The following MFSD2B variants were observed in gnomAD, a reference collection of about 807,000 sequenced individuals.
The protein encoded by MFSD2B is MFSD2 lysolipid transporter B, sphingolipid, also known as sphingosine-1-phosphate transporter MFSD2B.
A neutral mutation model predicts 58.4 loss-of-function variants in MFSD2B; 56 were observed. The ratio of observed to expected loss-of-function variants is 0.96; its 90% confidence interval spans 0.77 to 1.20. The LOEUF (loss-of-function observed/expected upper bound fraction) is 1.20, where lower values mean the gene tolerates loss of function less well. Ranked by LOEUF, MFSD2B falls within the 50% of genes most tolerant of loss-of-function variation. The probability of loss-of-function intolerance (pLI) is 0.00; values close to 1 mark genes in which losing one functional copy is unlikely to be tolerated. For missense variants in MFSD2B, 645 were observed against 667.6 expected, an observed-to-expected ratio of 0.97 and a Z score of 0.37; for synonymous variants, 287 against 294.4, an observed-to-expected ratio of 0.97 and a Z score of 0.26.
Position 24,022,599 on chromosome 2 carries a change from G to A in MFSD2B, c.978+83G>A. On this transcript the variant is annotated intron_variant, in intron 9 of 13. Coordinates refer to ENST00000338315, the MANE Select transcript of MFSD2B (RefSeq NM_001346880.2). The surrounding 1 kb of genome is among the most constrained non-coding windows in gnomAD (Gnocchi z 4.5). ...GTGTGGTCCTTGATGTGACACATAT[G>A]GCCAGAGTTCTGGTGGTCAACATTT... 1 of 1,176,132 alleles carries A rather than the reference G, an allele frequency of 8.5e-7. No individual in the cohort carries two copies. Among genetic ancestry groups the A allele is most frequent in the South Asian group, 1.4e-5 (1 of 73,446 alleles). 72.9% of individuals were successfully genotyped at this position (1,176,132 alleles called of 1,614,324 possible).
Position 24,021,245 on chromosome 2 carries a change from A to G in MFSD2B, c.682-403A>G, listed in dbSNP as rs887813303. ...TCACCATGCATCTCACCGTGCTGTAACCACCTGCTCCTGGATCTGTCTTCC... is the reference window on the plus strand; with the variant it reads ...TCACCATGCATCTCACCGTGCTGTAGCCACCTGCTCCTGGATCTGTCTTCC... On this transcript the variant is annotated intron_variant, in intron 6 of 13. Coordinates refer to ENST00000338315, the MANE Select transcript of MFSD2B (RefSeq NM_001346880.2). This position sits in a 1 kb window ranked among gnomAD's most constrained non-coding sequence, Gnocchi z 5.7. 2.6e-5 allele frequency among the ~76,000 whole-genome samples: 4 copies of G among 152,064 alleles called. No homozygotes were observed. Among genetic ancestry groups the G allele is most frequent in the African/African-American group, 9.7e-5 (4 of 41,416 alleles).
rs1196904038 is a variant in MFSD2B, at chr2:24,017,768, C to T, written c.681+180C>T. The stretch of plus-strand genomic sequence containing the variant: ...AGATGGCCCCCAAATCTAACGTCCT[C>T]TGCTAAACCTGCCTCCTTCTGGGTT... On this transcript the variant is annotated intron_variant, in intron 6 of 13. Coordinates refer to ENST00000338315, the MANE Select transcript of MFSD2B (RefSeq NM_001346880.2). This position sits in a 1 kb window ranked among gnomAD's most constrained non-coding sequence, Gnocchi z 4.8. 1.3e-5 allele frequency among the ~76,000 whole-genome samples: 2 copies of T among 152,232 alleles called. No homozygotes were observed. The highest frequency in any genetic ancestry group is 3.8e-4 in the East Asian group (2 of 5,198).
chr2:24,023,827 G>GTA lies in MFSD2B; in HGVS notation c.1313+101_1313+102insTA. On this transcript the variant is annotated intron_variant, in intron 12 of 13. Coordinates refer to ENST00000338315, the MANE Select transcript of MFSD2B (RefSeq NM_001346880.2). The surrounding 1 kb of genome is among the most constrained non-coding windows in gnomAD (Gnocchi z 5.0). The stretch of plus-strand genomic sequence containing the variant: ...CAAGCTCAGGGCATCCATGAGCCTG[G>GTA]GGCCTAAGCGCTACTCTTTGGAGAG... 7.2e-7 allele frequency: 1 copy of GTA among 1,396,460 alleles called. No homozygotes were observed. Among genetic ancestry groups the GTA allele is most frequent in the Non-Finnish European group, 9.9e-7 (1 of 1,011,862 alleles). The allele number at this position is 1,396,460 out of a possible 1,614,324, so 86.5% of individuals were successfully genotyped here. A position where few individuals can be genotyped will look rare whatever the true frequency, so the allele number is the denominator to read the frequency against.
At chr2:24,016,319 T>TCCTGGC (rs113601626) in intron 3 of MFSD2B, 39 bp downstream of exon 3, 196,473 of 1,593,542 alleles carry the variant, frequency 0.12, 13,005 homozygotes, top group Middle Eastern at 0.17. Flanking sequence ...AGGCACCTGG[T>TCCTGGC]CCTGGCCCTG....
chr2:24,016,721 C>T, intron 3 of MFSD2B, 124 bp from the exon 4 acceptor site: 1 of 1,232,944 alleles, frequency 8.1e-7, no homozygotes, highest in Non-Finnish European at 1.1e-6. Flanking sequence ...CTGGCTCCCA[C>T]CCAGGGCGCC....
In MFSD2B at chr2:24,016,905, C is replaced by T. The variant is rs765536592; in HGVS notation, c.408C>T (p.Pro136=). The change falls in exon 4 of 14, where the codon CCC becomes CCT. Residue 136 remains proline (P), a synonymous_variant. Transcript: ENST00000338315. The stretch of plus-strand genomic sequence containing the variant: ...ACTTCTTCCTGTGGTTCCTGCCCCC[C>T]TTCACCAGCCTGCGAGGCCTCTGGT... ...LAYFFLWFLP[P]FTSLRGLWYT... 2.5e-6 allele frequency: 4 copies of T among 1,613,794 alleles called. No individual in the cohort carries two copies. Among genetic ancestry groups the T allele is most frequent in the Non-Finnish European group, 3.4e-6 (4 of 1,179,864 alleles).
chr2:24,016,067 A>C, intron 2 of MFSD2B, 89 bp from the exon 3 acceptor site: 1 of 1,538,124 alleles, frequency 6.5e-7, no homozygotes, highest in Non-Finnish European at 8.9e-7. Flanking sequence ...CCCGGTTCCC[A>C]GGCCTCCCTC....
At chr2:24,025,072 C>T (rs917923098) in intron 13 of MFSD2B, among the ~76,000 whole-genome samples, 1 of 152,216 alleles carries the variant, frequency 6.6e-6, no homozygotes, top group Non-Finnish European at 1.5e-5. Context: ...CACAAGCACC[C>T]AATGTTCACA....
chr2:24,010,120 C>T lies in MFSD2B; in HGVS notation c.24C>T (p.Ala8=), dbSNP rs1167555855. Residue 8 remains alanine (A), a synonymous_variant, in exon 1 of 14, where the codon GCC becomes GCT. Coordinates refer to ENST00000338315, the MANE Select transcript of MFSD2B (RefSeq NM_001346880.2). MAAPPAP[A]AKGSPQPEPH... is the part of the protein sequence containing the mutation. ...CAATGGCGGCGCCCCCTGCACCAGC[C>T]GCCAAGGGGTCCCCGCAGCCGGAGC... The T allele has an allele frequency of 8.2e-6, 12 of 1,460,820 alleles. No homozygotes were observed. The South Asian group carries it at 1.5e-4, about 18-fold the overall frequency. 90.5% of individuals were successfully genotyped at this position (1,460,820 alleles called of 1,614,324 possible).
intron 1 of MFSD2B, 181 bp from the exon 2 acceptor site, chr2:24,013,104 G>A (rs1320950376): frequency 2.1e-6 from 1 of 485,014 alleles, no homozygotes; most frequent in Non-Finnish European, 3.5e-6. Flanking sequence ...CAGGGTTTAG[G>A]ATCTTTTTTC....
chr2:24,015,842 AAC>A (rs1709123711), intron 2 of MFSD2B, among the ~76,000 whole-genome samples: 2 of 152,314 alleles, frequency 1.3e-5, no homozygotes, highest in South Asian at 2.1e-4. Flanking sequence ...TCCATTGTGA[AAC>A]ACAGTGTCCA....
rs748386912 is a variant in MFSD2B, at chr2:24,017,610, G to GC, written c.681+28dup. 3.3e-6 allele frequency: 5 copies of GC among 1,532,570 alleles called. No homozygotes were observed. The highest frequency in any genetic ancestry group is 2.7e-5 in the African/African-American group (2 of 72,900). 94.9% of individuals were successfully genotyped at this position (1,532,570 alleles called of 1,614,324 possible). A position where few individuals can be genotyped will look rare whatever the true frequency, so the allele number is the denominator to read the frequency against. On this transcript the variant is annotated intron_variant, in intron 6 of 13. Transcript: ENST00000338315. This position sits in a 1 kb window ranked among gnomAD's most constrained non-coding sequence, Gnocchi z 4.8. ...TGCAGTAAGTGCACTGGGTGGCAAG[G>GC]CCCCCCAACCTGGGGTCCCCTCTGC...
rs1190191064 is a variant in MFSD2B, at chr2:24,020,478, G to A, written c.682-1170G>A. Among the ~76,000 whole-genome samples the A allele has an allele frequency of 2.6e-5, 4 of 151,584 alleles. No individual in the cohort carries two copies. The highest frequency in any genetic ancestry group is 4.4e-5 in the Non-Finnish European group (3 of 67,900). On this transcript the variant is annotated intron_variant, in intron 6 of 13. Coordinates refer to ENST00000338315, the MANE Select transcript of MFSD2B (RefSeq NM_001346880.2). This position sits in a 1 kb window ranked among gnomAD's most constrained non-coding sequence, Gnocchi z 4.1. ...CCTCCCCAGAGGCAGCCTCTGTCCC[G>A]AACTGGCTGTGACTCTCGTGCATGT...
Position 24,016,175 on chromosome 2 carries a change from C to G in MFSD2B, c.242C>G (p.Ser81Ter). The G allele has an allele frequency of 6.2e-7, 1 of 1,613,812 alleles. No individual in the cohort carries two copies. Among genetic ancestry groups the G allele is most frequent in the Non-Finnish European group, 8.5e-7 (1 of 1,179,894 alleles). ...TTTCAGATCCCTGCCGCCCAGGTGT[C>G]ACTTGTTCTGTTTGGGGGAAAAGTG... is the stretch of plus-strand genomic sequence containing the variant. ...DIAQIPAAQV[S>*]LVLFGGKVSG... Residue 81 changes from serine to a stop codon, truncating the protein, a stop_gained, in exon 3 of 14, where the codon TCA becomes TGA. Coordinates refer to ENST00000338315, the MANE Select transcript of MFSD2B (RefSeq NM_001346880.2). LOFTEE classifies it high-confidence loss of function.
chr2:24,016,731 C>T (rs1000741968), intron 3 of MFSD2B, 114 bp from the exon 4 acceptor site: 2 of 1,362,272 alleles, frequency 1.5e-6, no homozygotes, highest in African/African-American at 1.4e-5. Flanking sequence ...CCCAGGGCGC[C>T]CCAGCCTAGG....
At position 24,016,826 on chromosome 2, in the gene MFSD2B, C is replaced by G. The variant is rs1357607240; in HGVS notation, c.348-19C>G. The G allele has an allele frequency of 6.2e-7, 1 of 1,611,976 alleles. No homozygotes were observed. The highest frequency in any genetic ancestry group is 8.5e-7 in the Non-Finnish European group (1 of 1,179,704). Reference sequence around the variant, plus strand: ...TGTCTGGGTCGGGGGGCCGCTCCACCTCGGCTGTGCTTCCGCAGGGTGCTG... The same window carrying G: ...TGTCTGGGTCGGGGGGCCGCTCCACGTCGGCTGTGCTTCCGCAGGGTGCTG... On this transcript the variant is annotated intron_variant, in intron 3 of 13. Transcript: ENST00000338315.
intron 2 of MFSD2B, 55 bp from the exon 3 acceptor site, chr2:24,016,101 G>A (rs1709134648): frequency 1.2e-6 from 2 of 1,607,602 alleles, no homozygotes; most frequent in African/African-American, 1.3e-5. Flanking sequence ...GGCCTGGATG[G>A]GCTCTCTGCT....
intron 6 of MFSD2B, chr2:24,018,849 C>CTTTTTTTT (rs34543246): frequency 8.6e-6 from 1 of 116,572 alleles, no homozygotes. Flanking sequence ...GCCTTTTGTG[C>CTTTTTTTT]TTTTTTTTTT....
rs942475768 is a variant in MFSD2B at position 24,021,939 on chromosome 2, TCTC to T, written c.866_868del (p.Ser289del). On this transcript the variant is annotated inframe_deletion, in exon 8 of 14. Coordinates refer to ENST00000338315, the MANE Select transcript of MFSD2B (RefSeq NM_001346880.2). The surrounding 1 kb of genome is among the most constrained non-coding windows in gnomAD (Gnocchi z 5.7). ...CACCCACCCTACCTGAAGCTGGTGA[TCTC>T]CTTCCTGTTCATCTCTGCTGCTGTT... The T allele has an allele frequency of 8.7e-6, 14 of 1,613,902 alleles. No homozygotes were observed. The African/African-American group carries it at 1.5e-4, about 17-fold the overall frequency.
Sources: allele counts gnomAD v4.1 joint callset (sites outside exome capture counted in the v4.1 genomes callset), GRCh38; gene constraint gnomAD v4.1.1; non-coding constraint Gnocchi (gnomAD v3.1); transcripts MANE v1.5; gene names NCBI Gene and HGNC (gene_info 2026-07-23, HGNC 2026-07-21).